Variants in LANCL3 observed in about 807,000 individuals in gnomAD.
LANCL3 encodes the protein lanC-like protein 3.
LANCL3 carries 19 observed loss-of-function variants against 26.5 expected under a neutral mutation model. That is an observed-to-expected ratio of 0.72 (90% CI 0.50 to 1.05). The LOEUF (loss-of-function observed/expected upper bound fraction) is 1.05. Among genes scored for constraint, LANCL3 ranks in the 50% least tolerant of loss-of-function variants. The pLI is 0.00. For synonymous variants in LANCL3, 160 were observed against 166.6 expected, an observed-to-expected ratio of 0.96 and a Z score of 0.30; for missense variants, 318 against 362.7, an observed-to-expected ratio of 0.88 and a Z score of 1.00.
At chrX:37,636,863 G>A (rs1925720304) in intron 1 of LANCL3, among the ~76,000 whole-genome samples, 1 of 111,969 alleles carries the variant, frequency 8.9e-6, no homozygotes, top group Non-Finnish European at 1.9e-5. Context: ...ATTTTAAATG[G>A]AATATTATCT....
At chrX:37,584,076 C>T (rs1323933183) in intron 1 of LANCL3, among the ~76,000 whole-genome samples, 2 of 111,604 alleles carry the variant, frequency 1.8e-5, no homozygotes, top group Admixed American at 1.9e-4. Context: ...TTGAGATAAT[C>T]GTGTGGTTTT....
chrX:37,672,212 C>T (rs1289489601), intron 4 of LANCL3, among the ~76,000 whole-genome samples: 3 of 111,896 alleles, frequency 2.7e-5, no homozygotes, highest in Non-Finnish European at 5.6e-5. Context: ...GTATCCATCA[C>T]TCAATGAACT....
chrX:37,672,588 T>G (rs1274022146), intron 4 of LANCL3, among the ~76,000 whole-genome samples: 4 of 111,951 alleles, frequency 3.6e-5, no homozygotes, highest in Non-Finnish European at 7.5e-5. Flanking sequence ...AGCTGAGCCC[T>G]GATTGGCCAT....
intron 1 of LANCL3, among the ~76,000 whole-genome samples, chrX:37,629,711 T>G (rs1925429119): frequency 9.0e-6 from 1 of 111,236 alleles, no homozygotes; most frequent in Admixed American, 9.5e-5. Context: ...AGGGAATCCT[T>G]TCCCCATTGC....
In LANCL3 at chrX:37,571,778, C is replaced by T; in HGVS notation, c.-93C>T. On this transcript the variant is annotated 5_prime_UTR_variant, in exon 1 of 5. Coordinates refer to ENST00000378619, the MANE Select transcript of LANCL3 (RefSeq NM_001170331.2). ...CTTCCCCGCCGCATACACCGGCATC[C>T]GAGTGCCTCAGAGAGCCGGAGGTGG... 2 of 737,354 alleles carry T rather than the reference C, an allele frequency of 2.7e-6. No homozygotes were observed. Among genetic ancestry groups the T allele is most frequent in the Middle Eastern group, 4.9e-4 (1 of 2,033 alleles). 60.8% of individuals were successfully genotyped at this position (737,354 alleles called of 1,213,427 possible).
rs781794732 is a variant in LANCL3 at position 37,578,300 on chromosome X, T to A, written c.573+5857T>A. 3.6e-5 allele frequency among the ~76,000 whole-genome samples: 4 copies of A among 112,369 alleles called. No homozygotes were observed. In the Admixed American group the frequency reaches 3.8e-4, roughly 11 times the overall value. On this transcript the variant is annotated intron_variant, in intron 1 of 4. Coordinates refer to ENST00000378619, the MANE Select transcript of LANCL3 (RefSeq NM_001170331.2). Reference sequence around the variant, plus strand: ...AGGCTGGGAAGGCTAGTGTTTTTATTTTTAACCTTGATCATTGACAGGTAC... The same window carrying A: ...AGGCTGGGAAGGCTAGTGTTTTTATATTTAACCTTGATCATTGACAGGTAC...
In LANCL3 at chrX:37,676,750, A is replaced by G. The variant is rs1926818460; in HGVS notation, c.*937A>G. The G allele has an allele frequency of 8.9e-6, 1 of 111,843 alleles. No individual in the cohort carries two copies. The highest frequency in any genetic ancestry group is 3.2e-5 in the African/African-American group (1 of 30,788). 9.2% of individuals were successfully genotyped at this position (111,843 alleles called of 1,213,427 possible). The stretch of plus-strand genomic sequence containing the variant: ...CGTGTCATTTCTGCCTTTGTTTGGG[A>G]CAGGCAGACAGGCTGAGGAAGTCAC... On this transcript the variant is annotated 3_prime_UTR_variant, in exon 5 of 5. Transcript: ENST00000378619.
Position 37,680,636 on chromosome X carries a change from A to T in LANCL3, c.*4823A>T. 1 of 111,884 alleles carries T rather than the reference A, an allele frequency of 8.9e-6. No homozygotes were observed. The highest frequency in any genetic ancestry group is 9.5e-5 in the Admixed American group (1 of 10,536). 9.2% of individuals were successfully genotyped at this position (111,884 alleles called of 1,213,427 possible). A position where few individuals can be genotyped will look rare whatever the true frequency, so the allele number is the denominator to read the frequency against. The stretch of plus-strand genomic sequence containing the variant: ...TTGCAGGGTTTGGTGAGTTATGTGG[A>T]TTAAAAGAACAGACTATCCTCTCTC... On this transcript the variant is annotated 3_prime_UTR_variant, in exon 5 of 5. Transcript: ENST00000378619.
chrX:37,584,344 G>A (rs1207833932), intron 1 of LANCL3, among the ~76,000 whole-genome samples: 2 of 108,279 alleles, frequency 1.8e-5, no homozygotes, highest in East Asian at 2.8e-4. Context: ...AAATGAGTTA[G>A]GGAGGATTCC....
At position 37,578,341 on chromosome X, in the gene LANCL3, G is replaced by A. The variant is rs782511425; in HGVS notation, c.573+5898G>A. Among the ~76,000 whole-genome samples, 3 of 112,196 alleles carry A rather than the reference G, an allele frequency of 2.7e-5. No homozygotes were observed. The South Asian group carries it at 1.1e-3, about 42-fold the overall frequency. ...TGACAGGTACCGACACGAAAAAAGG[G>A]AGAAGGAAATGGTTGCTGGTTGGTT... On this transcript the variant is annotated intron_variant, in intron 1 of 4. Transcript: ENST00000378619.
At chrX:37,581,732 T>C (rs1414328358) in intron 1 of LANCL3, among the ~76,000 whole-genome samples, 1 of 112,280 alleles carries the variant, frequency 8.9e-6, no homozygotes, top group Non-Finnish European at 1.9e-5. Flanking sequence ...TATTTATGTC[T>C]TTTCATCTGT....
At chrX:37,593,833 A>T (rs1383895433) in intron 1 of LANCL3, among the ~76,000 whole-genome samples, 1 of 112,442 alleles carries the variant, frequency 8.9e-6, no homozygotes, top group Non-Finnish European at 1.9e-5. Flanking sequence ...TGATGTGGTC[A>T]TTTATAGATA....
chrX:37,594,207 C>CTA (rs1197067868), intron 1 of LANCL3, among the ~76,000 whole-genome samples: 10 of 111,831 alleles, frequency 8.9e-5, no homozygotes, highest in African/African-American at 3.2e-4. Context: ...GGCAGTGACT[C>CTA]TAAGATACTC....
chrX:37,682,391 A>C lies in LANCL3; in HGVS notation c.*6578A>C, dbSNP rs1484238031. On this transcript the variant is annotated 3_prime_UTR_variant, in exon 5 of 5. Transcript: ENST00000378619. ...TTTTTATATTTTGTGTGTGGTGACA[A>C]TGTACATGCTTTAATGTGTACTGTT... 1 of 112,169 alleles carries C rather than the reference A, an allele frequency of 8.9e-6. No homozygotes were observed. Among genetic ancestry groups the C allele is most frequent in the Non-Finnish European group, 1.9e-5 (1 of 53,219 alleles). 9.2% of individuals were successfully genotyped at this position (112,169 alleles called of 1,213,427 possible). A position where few individuals can be genotyped will look rare whatever the true frequency, so the allele number is the denominator to read the frequency against.
intron 1 of LANCL3, among the ~76,000 whole-genome samples, chrX:37,609,469 T>G (rs1556420877): frequency 1.8e-5 from 2 of 111,913 alleles, no homozygotes; most frequent in Non-Finnish European, 3.8e-5. Context: ...GGATTTCTGT[T>G]ATTGTACTTT....
Position 37,586,031 on chromosome X carries a change from G to T in LANCL3, c.573+13588G>T, listed in dbSNP as rs1397042838. On this transcript the variant is annotated intron_variant, in intron 1 of 4. Coordinates refer to ENST00000378619, the MANE Select transcript of LANCL3 (RefSeq NM_001170331.2). ...TCTCAGCATTTGCTTGTCTGTAAAG[G>T]ATTTTATTTCTCCTTCACTTATGAA... 3.9e-4 allele frequency among the ~76,000 whole-genome samples: 43 copies of T among 110,956 alleles called. 1 individual carries two copies. Among genetic ancestry groups the T allele is most frequent in the East Asian group, 5.6e-4 (2 of 3,552 alleles).
At chrX:37,580,210 C>G (rs1664822625) in intron 1 of LANCL3, among the ~76,000 whole-genome samples, 2 of 111,534 alleles carry the variant, frequency 1.8e-5, no homozygotes, top group Admixed American at 1.9e-4. Context: ...GATTACAGAT[C>G]TACCAGGAAG....
intron 1 of LANCL3, among the ~76,000 whole-genome samples, chrX:37,585,152 T>C (rs781854911): frequency 1.8e-5 from 2 of 112,148 alleles, no homozygotes; most frequent in East Asian, 5.5e-4. Flanking sequence ...TGCACTGTGG[T>C]CTGAGAGACA....
chrX:37,610,753 C>G (rs1260571641), intron 1 of LANCL3, among the ~76,000 whole-genome samples: 1 of 112,129 alleles, frequency 8.9e-6, no homozygotes, highest in Non-Finnish European at 1.9e-5. Context: ...TTATCAGTGG[C>G]CTTTCTAACC....
Sources: gnomAD v4.1 joint callset for allele counts (sites outside exome capture counted in the v4.1 genomes callset) on GRCh38, gnomAD v4.1.1 for gene constraint, MANE v1.5 for transcripts, NCBI Gene and HGNC (gene_info 2026-07-23, HGNC 2026-07-21) for gene names.